The following SLC24A3 variants were observed in gnomAD, a reference collection of about 807,000 sequenced individuals.
SLC24A3 encodes sodium/potassium/calcium exchanger 3.
In SLC24A3, 28 loss-of-function variants were observed where a neutral mutation model predicts 75.8. The observed-to-expected ratio is 0.37, with a 90% CI of 0.27 to 0.51. SLC24A3 has a LOEUF of 0.51. Among genes scored for constraint, SLC24A3 ranks in the 20% least tolerant of loss-of-function variants. The pLI, the probability that SLC24A3 is intolerant of heterozygous loss-of-function variation, is 0.94. For synonymous variants in SLC24A3, 372 were observed against 334.1 expected, an observed-to-expected ratio of 1.11 and a Z score of -1.24; for missense variants, 663 against 847.8, an observed-to-expected ratio of 0.78 and a Z score of 2.71.
chr20:19,297,296 A>G (rs372435974), intron 2 of SLC24A3, among the ~76,000 whole-genome samples: 2 of 152,172 alleles, frequency 1.3e-5, no homozygotes, highest in African/African-American at 4.8e-5. Context: ...GTTTATACGC[A>G]TGATGTGCAC....
intron 2 of SLC24A3, among the ~76,000 whole-genome samples, chr20:19,440,700 T>G (rs1275070396): frequency 6.6e-6 from 1 of 151,194 alleles, no homozygotes; most frequent in Admixed American, 6.6e-5. Flanking sequence ...ATGAATGAAT[T>G]TAGTAGAATT....
At chr20:19,329,201 G>T (rs1984937878) in intron 2 of SLC24A3, among the ~76,000 whole-genome samples, 1 of 152,144 alleles carries the variant, frequency 6.6e-6, no homozygotes, top group African/African-American at 2.4e-5. Context: ...AAGTAGTATA[G>T]TAGTTCATAG....
intron 2 of SLC24A3, among the ~76,000 whole-genome samples, chr20:19,367,042 G>A (rs986900452): frequency 2.6e-5 from 4 of 152,226 alleles, no homozygotes; most frequent in African/African-American, 9.6e-5. Flanking sequence ...TGTCCTATTG[G>A]TACAACAGCC....
chr20:19,365,559 A>AT (rs925951487), intron 2 of SLC24A3, among the ~76,000 whole-genome samples: 8 of 151,800 alleles, frequency 5.3e-5, no homozygotes, highest in South Asian at 2.1e-4. Flanking sequence ...GCACTAGGGG[A>AT]TTTTTTTTTG....
intron 2 of SLC24A3, among the ~76,000 whole-genome samples, chr20:19,330,693 G>A (rs531249672): frequency 4.5e-4 from 68 of 152,312 alleles, no homozygotes; most frequent in African/African-American, 1.5e-3. Flanking sequence ...AACTATCACA[G>A]TAAAGATTGG....
intron 2 of SLC24A3, among the ~76,000 whole-genome samples, chr20:19,447,087 A>T (rs1280143869): frequency 6.6e-6 from 1 of 152,184 alleles, no homozygotes. Context: ...AACCCAAGAT[A>T]GATTTGAGTA....
At chr20:19,586,681 G>A (rs1369870406) in intron 6 of SLC24A3, among the ~76,000 whole-genome samples, 2 of 152,114 alleles carry the variant, frequency 1.3e-5, no homozygotes, top group African/African-American at 2.4e-5. Flanking sequence ...CGTCATCTTC[G>A]TGCCTATTGA....
intron 3 of SLC24A3, among the ~76,000 whole-genome samples, chr20:19,564,501 T>G (rs914399391): frequency 2.0e-5 from 3 of 152,144 alleles, no homozygotes; most frequent in African/African-American, 7.2e-5. Context: ...ATCGTCACCA[T>G]CATCATCACC....
chr20:19,527,295 A>G (rs2030216666), intron 3 of SLC24A3, among the ~76,000 whole-genome samples: 1 of 152,136 alleles, frequency 6.6e-6, no homozygotes, highest in Non-Finnish European at 1.5e-5. Context: ...TGCCTCACTC[A>G]TCTTTATGTC....
intron 1 of SLC24A3, among the ~76,000 whole-genome samples, chr20:19,225,665 C>A (rs537563996): frequency 1.3e-5 from 2 of 152,064 alleles, no homozygotes; most frequent in African/African-American, 4.8e-5. Flanking sequence ...TTTTTGAGAA[C>A]GTCATAGATG....
At chr20:19,268,038 T>C (rs778994101) in intron 1 of SLC24A3, among the ~76,000 whole-genome samples, 4 of 152,208 alleles carry the variant, frequency 2.6e-5, no homozygotes, top group Non-Finnish European at 5.9e-5. Context: ...CATGTCCCCA[T>C]CTCATTTCAA....
intron 2 of SLC24A3, among the ~76,000 whole-genome samples, chr20:19,342,088 G>C (rs559367466): frequency 6.6e-6 from 1 of 152,178 alleles, no homozygotes; most frequent in Admixed American, 6.5e-5. Context: ...ACTTAAGGTG[G>C]GGCACCAACT....
rs1322824483 is a variant in SLC24A3 at position 19,680,457 on chromosome 20, G to T, written c.768-1401G>T. ...AGTGTTGGCAGCCGTCAGCATTCAG[G>T]TTCCATCACCAGGAGGCATGGTGAT... is the stretch of plus-strand genomic sequence containing the variant. On this transcript the variant is annotated intron_variant, in intron 9 of 16. Coordinates refer to ENST00000328041, the MANE Select transcript of SLC24A3 (RefSeq NM_020689.4). 2.0e-5 allele frequency among the ~76,000 whole-genome samples: 3 copies of T among 152,014 alleles called. No homozygotes were observed. The East Asian group carries it at 5.8e-4, about 29-fold the overall frequency.
chr20:19,624,408 A>G (rs1223258470), intron 6 of SLC24A3, among the ~76,000 whole-genome samples: 1 of 152,236 alleles, frequency 6.6e-6, no homozygotes, highest in East Asian at 1.9e-4. Context: ...TGAGACAGCT[A>G]TTGCTGTGTA....
At chr20:19,645,283 A>C (rs940255815) in intron 6 of SLC24A3, among the ~76,000 whole-genome samples, 1 of 152,246 alleles carries the variant, frequency 6.6e-6, no homozygotes, top group Non-Finnish European at 1.5e-5. Context: ...GGCGCATAGC[A>C]CAGAAAATGT....
chr20:19,673,881 TC>T (rs2032496242), intron 9 of SLC24A3, among the ~76,000 whole-genome samples: 1 of 152,228 alleles, frequency 6.6e-6, no homozygotes, highest in South Asian at 2.1e-4. Flanking sequence ...CTTCAGTGTT[TC>T]ACTTGAGAAC....
At chr20:19,682,067 A>G in intron 10 of SLC24A3, 76 bp downstream of exon 10, 2 of 1,492,742 alleles carry the variant, frequency 1.3e-6, no homozygotes, top group South Asian at 1.2e-5. Context: ...AGCCTGGCCA[A>G]CATGGCAAAT....
chr20:19,609,178 T>G (rs1223318339), intron 6 of SLC24A3, among the ~76,000 whole-genome samples: 1 of 152,188 alleles, frequency 6.6e-6, no homozygotes, highest in Non-Finnish European at 1.5e-5. Flanking sequence ...CCCCAAACTC[T>G]CTTTATGACC....
chr20:19,654,532 AC>A (rs1456160674), intron 7 of SLC24A3, among the ~76,000 whole-genome samples: 1 of 151,064 alleles, frequency 6.6e-6, no homozygotes, highest in Non-Finnish European at 1.5e-5. Flanking sequence ...TTGTGCCAAC[AC>A]CCACACATGT....
Sources: allele counts gnomAD v4.1 joint callset (sites outside exome capture counted in the v4.1 genomes callset), GRCh38; gene constraint gnomAD v4.1.1; transcripts MANE v1.5; gene names NCBI Gene and HGNC (gene_info 2026-07-23, HGNC 2026-07-21).